Variants in CFAP52 observed in about 807,000 individuals in gnomAD.
CFAP52 encodes the protein cilia- and flagella-associated protein 52.
A neutral mutation model predicts 70.5 loss-of-function variants in CFAP52; 57 were observed. The observed-to-expected ratio is 0.81, with a 90% CI of 0.65 to 1.01. The LOEUF is 1.01. CFAP52 is among the 50% of genes least tolerant of loss of function. CFAP52 has a pLI of 0.00. For missense variants in CFAP52, 785 were observed against 788.5 expected (o/e 1.00, Z 0.05); for synonymous variants, 267 against 292.5 (o/e 0.91, Z 0.89).
intron 6 of CFAP52, among the ~76,000 whole-genome samples, chr17:9,606,946 A>G (rs913166342): frequency 6.6e-6 from 1 of 152,224 alleles, no homozygotes; most frequent in African/African-American, 2.4e-5. Context: ...CAACAGGCTA[A>G]ATTCAGTGTA....
chr17:9,612,425 A>G lies in CFAP52; in HGVS notation c.971A>G (p.Glu324Gly), dbSNP rs1260931665. The change falls in exon 8 of 14, where the codon GAG (glutamate) becomes GGG (glycine). Residue 324 changes from glutamate to glycine, a missense_variant. Transcript: ENST00000352665. ...IYRVSFTDFKETLIATCHFDA... is the reference protein window; with the variant it reads ...IYRVSFTDFKGTLIATCHFDA... The stretch of plus-strand genomic sequence containing the variant: ...CGTGTCAGCTTCACGGATTTCAAAG[A>G]GACGCTCATAGCGACTTGTCACTTT... 9 of 1,614,104 alleles carry G rather than the reference A, an allele frequency of 5.6e-6. No homozygotes were observed. Among genetic ancestry groups the G allele is most frequent in the Non-Finnish European group, 7.6e-6 (9 of 1,180,042 alleles).
intron 7 of CFAP52, among the ~76,000 whole-genome samples, chr17:9,609,109 G>A (rs1486982701): frequency 6.6e-6 from 1 of 152,138 alleles, no homozygotes; most frequent in African/African-American, 2.4e-5. Context: ...GAAGCCAGGG[G>A]TAGTTGCACA....
chr17:9,605,132 A>G (rs891141063), intron 6 of CFAP52, among the ~76,000 whole-genome samples: 25 of 152,226 alleles, frequency 1.6e-4, no homozygotes, highest in African/African-American at 6.0e-4. Flanking sequence ...TTCACACGAG[A>G]ACCTGCACAC....
In CFAP52 at chr17:9,597,803, A is replaced by AAGAGAGAG. The variant is rs10548437; in HGVS notation, c.537-411_537-404dup. Among the ~76,000 whole-genome samples the AAGAGAGAG allele has an allele frequency of 1.0e-3, 145 of 139,116 alleles. 1 individual carries two copies. In the Middle Eastern group the frequency reaches 0.01, roughly 10 times the overall value. 91.3% of individuals were successfully genotyped at this position (139,116 alleles called of 152,430 possible). ...GGCAATAGAGTGGGACTCTGTCAGA[A>AAGAGAGAG]AGAGAGAGAGAGAGAGAGAGAGAGA... is the stretch of plus-strand genomic sequence containing the variant. On this transcript the variant is annotated intron_variant, in intron 4 of 13. Coordinates refer to ENST00000352665, the MANE Select transcript of CFAP52 (RefSeq NM_145054.5).
At chr17:9,597,851 AAGAG>A (rs1233790393) in intron 4 of CFAP52, among the ~76,000 whole-genome samples, 4 of 147,104 alleles carry the variant, frequency 2.7e-5, no homozygotes, top group Non-Finnish European at 4.5e-5. Context: ...GAGAGAGAGA[AAGAG>A]AGAGAGAAAG....
chr17:9,627,622 G>C (rs963653063), intron 8 of CFAP52, among the ~76,000 whole-genome samples: 1 of 152,098 alleles, frequency 6.6e-6, no homozygotes, highest in Non-Finnish European at 1.5e-5. Flanking sequence ...AAATGTTATA[G>C]GTGTCGACTT....
rs1911025883 is a variant in CFAP52 at position 9,640,907 on chromosome 17, G to A, written c.1576-817G>A. ...AACGGGCCCAACTCGGCTTCCCAAA[G>A]TGCTGGGATTATAGGTGTGAGCCGC... On this transcript the variant is annotated intron_variant, in intron 12 of 13. Transcript: ENST00000352665. Among the ~76,000 whole-genome samples, 3 of 152,278 alleles carry A rather than the reference G, an allele frequency of 2.0e-5. No individual in the cohort carries two copies. The South Asian group carries it at 6.2e-4, about 32-fold the overall frequency.
In CFAP52 at chr17:9,608,148, G is replaced by A. The variant is rs1359772207; in HGVS notation, c.783G>A (p.Met261Ile). 9 of 1,611,870 alleles carry A rather than the reference G, an allele frequency of 5.6e-6. No homozygotes were observed. In the Admixed American group the frequency reaches 1.5e-4, roughly 27 times the overall value. ...TGTCAGCTATCAGGTGCCTGAAGAT[G>A]GGGGGTTTGTTGGTGGGCTCTGGAG... ...LGVSAIRCLK[M>I]GGLLVGSGAG... Residue 261 changes from methionine to isoleucine, a missense_variant, in exon 7 of 14, where the codon ATG becomes ATA. By Grantham distance (10) the Met-to-Ile change is conservative. Coordinates refer to ENST00000352665, the MANE Select transcript of CFAP52 (RefSeq NM_145054.5).
At chr17:9,580,944 A>G (rs1162826880) in intron 1 of CFAP52, among the ~76,000 whole-genome samples, 1 of 152,180 alleles carries the variant, frequency 6.6e-6, no homozygotes, top group Non-Finnish European at 1.5e-5. Flanking sequence ...TTTACGTGCA[A>G]TGAAGTTCAC....
intron 7 of CFAP52, among the ~76,000 whole-genome samples, chr17:9,611,850 C>T (rs1909725738): frequency 6.6e-6 from 1 of 152,168 alleles, no homozygotes. Context: ...GATCATTTAA[C>T]TATTCCATTA....
In CFAP52 at chr17:9,631,016, A is replaced by AAGAGAGAGAGAG. The variant is rs1567634775; in HGVS notation, c.1175-1869_1175-1868insGAGAGAGAGAGA. ...AAAGAAAGAAAGAAAGAAAGAAAGAAAGAAAGAAAGAAAGAGAGAGAGAGA... is the reference window on the plus strand; with the variant it reads ...AAAGAAAGAAAGAAAGAAAGAAAGAAAGAGAGAGAGAGAGAAAGAAAGAAAGAGAGAGAGAGA... On this transcript the variant is annotated intron_variant, in intron 9 of 13. Coordinates refer to ENST00000352665, the MANE Select transcript of CFAP52 (RefSeq NM_145054.5). Among the ~76,000 whole-genome samples the AAGAGAGAGAGAG allele has an allele frequency of 3.3e-4, 17 of 51,168 alleles. 1 individual carries two copies. Among genetic ancestry groups the AAGAGAGAGAGAG allele is most frequent in the Non-Finnish European group, 4.5e-4 (14 of 31,038 alleles). 33.6% of individuals were successfully genotyped at this position (51,168 alleles called of 152,430 possible). A position where few individuals can be genotyped will look rare whatever the true frequency, so the allele number is the denominator to read the frequency against.
Position 9,635,437 on chromosome 17 carries a change from G to A in CFAP52, c.1353G>A (p.Gln451=), listed in dbSNP as rs1910729507. ...VRVWQIGCQT[Q]KLEEALKEHK... Reference sequence around the variant, plus strand: ...TATGGCAGATAGGCTGTCAGACCCAGAAGCTGGAGGAGGCCCTGAAGGAAC... The same window carrying A: ...TATGGCAGATAGGCTGTCAGACCCAAAAGCTGGAGGAGGCCCTGAAGGAAC... Residue 451 remains glutamine (Q), a synonymous_variant, in exon 11 of 14, where the codon CAG becomes CAA. Transcript: ENST00000352665. The A allele has an allele frequency of 6.2e-7, 1 of 1,614,084 alleles. No individual in the cohort carries two copies. The highest frequency in any genetic ancestry group is 1.7e-5 in the Admixed American group (1 of 60,006).
At chr17:9,595,175 C>T (rs1039129535) in intron 4 of CFAP52, among the ~76,000 whole-genome samples, 8 of 152,082 alleles carry the variant, frequency 5.3e-5, no homozygotes, top group Non-Finnish European at 1.2e-4. Flanking sequence ...TTTTAGAAAT[C>T]CTTTTTTAAT....
chr17:9,594,250 C>CCTCAATGTT lies in CFAP52; in HGVS notation c.466_474dup (p.Leu156_Val158dup). 1 of 1,613,872 alleles carries CCTCAATGTT rather than the reference C, an allele frequency of 6.2e-7. No individual in the cohort carries two copies. ...CCATCTGTGGCAGCCCTGCAGCCGG[C>CCTCAATGTT]CTCAATGTTGGCAATGCCACCAATG... On this transcript the variant is annotated inframe_insertion, in exon 4 of 14. Transcript: ENST00000352665.
At chr17:9,631,860 C>T (rs988183887) in intron 9 of CFAP52, among the ~76,000 whole-genome samples, 6 of 151,250 alleles carry the variant, frequency 4.0e-5, no homozygotes, top group Admixed American at 2.0e-4. Flanking sequence ...CTCCGCCTCC[C>T]GGGTTCAAGC....
chr17:9,605,293 A>C (rs1245172994), intron 6 of CFAP52, among the ~76,000 whole-genome samples: 1 of 152,228 alleles, frequency 6.6e-6, no homozygotes, highest in African/African-American at 2.4e-5. Context: ...AGTCAGGAAA[A>C]GACTTTATAG....
In CFAP52 at chr17:9,613,061, C is replaced by T. The variant is rs142708928; in HGVS notation, c.1025+582C>T. On this transcript the variant is annotated intron_variant, in intron 8 of 13. Coordinates refer to ENST00000352665, the MANE Select transcript of CFAP52 (RefSeq NM_145054.5). Reference sequence around the variant, plus strand: ...AGGTGAAGTGTATTAAGTGCATTTTCGACTTAGGATATTTTCAATTACATT... The same window carrying T: ...AGGTGAAGTGTATTAAGTGCATTTTTGACTTAGGATATTTTCAATTACATT... 2.9e-3 allele frequency among the ~76,000 whole-genome samples: 440 copies of T among 152,090 alleles called. 1 individual carries two copies. The highest frequency in any genetic ancestry group is 0.01 in the African/African-American group (424 of 41,472).
chr17:9,626,685 C>T (rs1393833741), intron 8 of CFAP52, among the ~76,000 whole-genome samples: 3 of 152,146 alleles, frequency 2.0e-5, no homozygotes, highest in African/African-American at 7.2e-5. Flanking sequence ...TAAATATTAA[C>T]ATTCTAGTGT....
rs1411118368 is a variant in CFAP52, at chr17:9,643,061, G to A, written c.1726G>A (p.Glu576Lys). ...DHLVKVWDYN[E>K]GEVTHVGVGH... ...TCTGGTCAAAGTTTGGGATTATAATGAGGGTGAAGTGACTCACGTTGGGGT... is the reference window on the plus strand; with the variant it reads ...TCTGGTCAAAGTTTGGGATTATAATAAGGGTGAAGTGACTCACGTTGGGGT... Residue 576 changes from glutamate (E) to lysine (K), a missense_variant, in exon 14 of 14, where the codon GAG becomes AAG. Transcript: ENST00000352665. 3.7e-6 allele frequency: 6 copies of A among 1,610,310 alleles called. No homozygotes were observed. The highest frequency in any genetic ancestry group is 4.2e-6 in the Non-Finnish European group (5 of 1,178,510).
Sources: allele counts gnomAD v4.1 joint callset (sites outside exome capture counted in the v4.1 genomes callset), GRCh38; gene constraint gnomAD v4.1.1; transcripts MANE v1.5; gene names NCBI Gene and HGNC (gene_info 2026-07-23, HGNC 2026-07-21).